CAMK2A: variants seen among roughly 807,000 people sequenced by gnomAD.
The protein encoded by CAMK2A is calcium/calmodulin dependent protein kinase II alpha.
Under a neutral mutation model 79.2 loss-of-function variants are expected in CAMK2A, and 7 were observed. The observed-to-expected ratio is 0.09, with a 90% CI of 0.05 to 0.17. The LOEUF (loss-of-function observed/expected upper bound fraction) is 0.17, where lower values mean the gene tolerates loss of function less well. Among genes scored for constraint, CAMK2A ranks in the 10% least tolerant of loss-of-function variants. The probability of loss-of-function intolerance (pLI) is 1.00; values close to 1 mark genes in which losing one functional copy is unlikely to be tolerated. For synonymous variants in CAMK2A, 242 were observed against 251.7 expected (o/e 0.96, Z 0.36); for missense variants, 214 against 646.4 (o/e 0.33, Z 7.25).
intron 6 of CAMK2A, 147 bp from the exon 7 acceptor site, chr5:150,253,693 C>G (rs1755933164): frequency 3.0e-6 from 2 of 661,104 alleles, no homozygotes; most frequent in East Asian, 2.7e-5. Flanking sequence ...AGCCCCGCCT[C>G]AGGCTCCTGA....
intron 1 of CAMK2A, among the ~76,000 whole-genome samples, chr5:150,283,302 G>T (rs1439044841): frequency 6.6e-6 from 1 of 152,086 alleles, no homozygotes; most frequent in Non-Finnish European, 1.5e-5. Flanking sequence ...CTTTTGTCTG[G>T]GTTGTTCCCA....
At chr5:150,277,395 G>A (rs1756993589) in intron 1 of CAMK2A, among the ~76,000 whole-genome samples, 1 of 152,186 alleles carries the variant, frequency 6.6e-6, no homozygotes, top group Non-Finnish European at 1.5e-5. Context: ...GTCTCCCTTG[G>A]AAATCAGCAC....
At chr5:150,281,103 T>C (rs952541428) in intron 1 of CAMK2A, among the ~76,000 whole-genome samples, 1 of 152,172 alleles carries the variant, frequency 6.6e-6, no homozygotes, top group African/African-American at 2.4e-5. Flanking sequence ...TTAGGAACTC[T>C]AGCCCCGTAT....
intron 14 of CAMK2A, among the ~76,000 whole-genome samples, chr5:150,239,369 C>A (rs1755238271): frequency 6.6e-6 from 1 of 152,160 alleles, no homozygotes; most frequent in Non-Finnish European, 1.5e-5. Flanking sequence ...TTGGCACAAA[C>A]CAAGCCTGAG....
chr5:150,259,453 C>T lies in CAMK2A; in HGVS notation c.218-1836G>A, dbSNP rs528851125. On this transcript the variant is annotated intron_variant, in intron 3 of 18. Transcript: ENST00000671881. ...GGGAGGGTTGTTTGAGCCCAGGGGG[C>T]GGAGGGTGCAGTGAGCCAAGATTGC... 2.0e-4 allele frequency among the ~76,000 whole-genome samples: 30 copies of T among 151,986 alleles called. 2 individuals are homozygous for T. The South Asian group carries it at 6.0e-3, about 31-fold the overall frequency.
At chr5:150,277,922 T>C (rs1047552714) in intron 1 of CAMK2A, among the ~76,000 whole-genome samples, 15 of 152,212 alleles carry the variant, frequency 9.9e-5, no homozygotes, top group African/African-American at 3.6e-4. Context: ...ATATTCTTAA[T>C]TGAGGCTATG....
At chr5:150,272,586 A>AG (rs552624801) in intron 2 of CAMK2A, among the ~76,000 whole-genome samples, 4,125 of 150,248 alleles carry the variant, frequency 0.027, 67 homozygotes, top group Middle Eastern at 0.038. Context: ...AAAAAAAAAA[A>AG]AGAGAGAGAG....
intron 3 of CAMK2A, among the ~76,000 whole-genome samples, chr5:150,261,335 C>T (rs1462771412): frequency 2.6e-5 from 4 of 152,212 alleles, no homozygotes; most frequent in South Asian, 4.2e-4. Context: ...GTTTCAGGGC[C>T]GTTTTCACAC....
At chr5:150,260,430 G>A (rs1756254752) in intron 3 of CAMK2A, among the ~76,000 whole-genome samples, 1 of 149,436 alleles carries the variant, frequency 6.7e-6, no homozygotes, top group South Asian at 2.1e-4. Context: ...CTGCACTCCA[G>A]CCTGGGTGAC....
chr5:150,247,070 T>C (rs1006880508), intron 12 of CAMK2A, among the ~76,000 whole-genome samples: 4 of 152,172 alleles, frequency 2.6e-5, no homozygotes, highest in South Asian at 4.1e-4. Context: ...CTGACAATAA[T>C]CCCTTCCCCT....
intron 2 of CAMK2A, among the ~76,000 whole-genome samples, chr5:150,266,272 C>T (rs919134636): frequency 3.9e-5 from 6 of 152,180 alleles, no homozygotes; most frequent in South Asian, 2.1e-4. Context: ...GATCCTACTC[C>T]GTGCCCCCAA....
intron 2 of CAMK2A, among the ~76,000 whole-genome samples, chr5:150,270,822 G>C (rs746070301): frequency 6.6e-6 from 1 of 152,170 alleles, no homozygotes; most frequent in Non-Finnish European, 1.5e-5. Context: ...GACAGTGACT[G>C]TCTGGCATAG....
chr5:150,248,639 T>A (rs1472145968), intron 11 of CAMK2A, among the ~76,000 whole-genome samples: 1 of 152,038 alleles, frequency 6.6e-6, no homozygotes, highest in Non-Finnish European at 1.5e-5. Context: ...TCCAGCTTCA[T>A]CCATGTCCCT....
At chr5:150,226,859 A>C (rs1366970669) in intron 17 of CAMK2A, among the ~76,000 whole-genome samples, 1 of 145,928 alleles carries the variant, frequency 6.9e-6, no homozygotes, top group Non-Finnish European at 1.5e-5. Flanking sequence ...GCTGGATTGC[A>C]GTGGTGCGAT....
chr5:150,222,802 C>A, intron 18 of CAMK2A, 89 bp from the exon 19 acceptor site: 1 of 1,524,990 alleles, frequency 6.6e-7, no homozygotes, highest in Non-Finnish European at 9.1e-7. Flanking sequence ...GGAGTCCATG[C>A]GGTCCCTGGT....
At chr5:150,282,836 G>A (rs1757271506) in intron 1 of CAMK2A, among the ~76,000 whole-genome samples, 1 of 152,288 alleles carries the variant, frequency 6.6e-6, no homozygotes, top group South Asian at 2.1e-4. Flanking sequence ...ATGGATGAGA[G>A]TGGGAATTTG....
intron 1 of CAMK2A, among the ~76,000 whole-genome samples, chr5:150,285,006 C>G (rs1757366620): frequency 6.6e-6 from 1 of 152,190 alleles, no homozygotes; most frequent in African/African-American, 2.4e-5. Flanking sequence ...GGCACACAAA[C>G]AGCAAGTGAT....
chr5:150,266,791 T>G (rs1353234479), intron 2 of CAMK2A, among the ~76,000 whole-genome samples: 1 of 150,666 alleles, frequency 6.6e-6, no homozygotes, highest in Non-Finnish European at 1.5e-5. Context: ...AGGAAACTCA[T>G]GCCAACACTC....
chr5:150,228,450 C>A (rs1459643838), intron 16 of CAMK2A, among the ~76,000 whole-genome samples, 164 bp from the exon 17 acceptor site: 2 of 152,144 alleles, frequency 1.3e-5, no homozygotes, highest in African/African-American at 4.8e-5. Context: ...TATGGGATAT[C>A]ACTGACTGGT....
Sources: gnomAD v4.1 joint callset for allele counts (sites outside exome capture counted in the v4.1 genomes callset) on GRCh38, gnomAD v4.1.1 for gene constraint, MANE v1.5 for transcripts, NCBI Gene and HGNC (gene_info 2026-07-23, HGNC 2026-07-21) for gene names.